The following SAMD3 variants were observed in gnomAD, a reference collection of about 807,000 sequenced individuals.
The protein encoded by SAMD3 is sterile alpha motif domain-containing protein 3.
Under a neutral mutation model 58.5 loss-of-function variants are expected in SAMD3, and 63 were observed. The observed-to-expected ratio is 1.08, with a 90% confidence interval of 0.88 to 1.33. The LOEUF is 1.33. SAMD3 is among the 40% of genes most tolerant of loss of function. SAMD3 has a pLI of 0.00. For synonymous variants in SAMD3, 220 were observed against 210.3 expected, an observed-to-expected ratio of 1.05 and a Z score of -0.40; for missense variants, 604 against 608.4, an observed-to-expected ratio of 0.99 and a Z score of 0.08.
chr6:130,239,401 G>A (rs1773278274), intron 2 of SAMD3, among the ~76,000 whole-genome samples: 1 of 152,102 alleles, frequency 6.6e-6, no homozygotes, highest in African/African-American at 2.4e-5. Flanking sequence ...GCCATTAGGA[G>A]ACTAGATTGA....
intron 1 of SAMD3, among the ~76,000 whole-genome samples, chr6:130,319,601 C>A (rs1314982959): frequency 1.3e-5 from 2 of 152,146 alleles, no homozygotes; most frequent in Non-Finnish European, 2.9e-5. Context: ...TAATCACCAG[C>A]AGACCCTGCC....
intron 5 of SAMD3, among the ~76,000 whole-genome samples, chr6:130,204,292 C>A (rs1255698914): frequency 6.6e-6 from 1 of 152,082 alleles, no homozygotes. Flanking sequence ...AAGAATAACA[C>A]TGCAAAAAAA....
intron 2 of SAMD3, among the ~76,000 whole-genome samples, chr6:130,252,020 T>C (rs2114910535): frequency 6.6e-6 from 1 of 152,232 alleles, no homozygotes; most frequent in Admixed American, 6.5e-5. Flanking sequence ...GGCTCCATTA[T>C]TGTTGTCTTC....
chr6:130,299,907 A>G (rs1775689041), intron 2 of SAMD3, among the ~76,000 whole-genome samples: 2 of 152,226 alleles, frequency 1.3e-5, no homozygotes, highest in Non-Finnish European at 2.9e-5. Context: ...AGAGTGAACC[A>G]GGAAGAAATT....
chr6:130,211,967 T>C lies in SAMD3; in HGVS notation c.270-2359A>G, dbSNP rs560915653. ...GACCTAAAGTATCACTTATTCTACC[T>C]ACTTCATTTTACAGTTGAAGAAGCT... On this transcript the variant is annotated intron_variant, in intron 4 of 11. Coordinates refer to ENST00000439090, the MANE Select transcript of SAMD3 (RefSeq NM_001017373.4). 3.8e-4 allele frequency among the ~76,000 whole-genome samples: 57 copies of C among 150,640 alleles called. 1 individual carries two copies. The highest frequency in any genetic ancestry group is 1.4e-3 in the African/African-American group (56 of 40,908).
intron 1 of SAMD3, among the ~76,000 whole-genome samples, chr6:130,349,643 A>T (rs992906527): frequency 1.8e-4 from 28 of 152,352 alleles, no homozygotes; most frequent in African/African-American, 6.0e-4. Flanking sequence ...CCAGAGGTAC[A>T]AGGAGGAGCT....
At chr6:130,271,241 C>G (rs997031777) in intron 2 of SAMD3, among the ~76,000 whole-genome samples, 1 of 152,058 alleles carries the variant, frequency 6.6e-6, no homozygotes, top group African/African-American at 2.4e-5. Context: ...CTCAAGCAAT[C>G]TACCTGCCTC....
intron 7 of SAMD3, among the ~76,000 whole-genome samples, chr6:130,177,950 A>AGT (rs1791890615): frequency 6.6e-6 from 1 of 151,798 alleles, no homozygotes; most frequent in Admixed American, 6.6e-5. Flanking sequence ...GCTGGTAACT[A>AGT]ACTCACTGCA....
chr6:130,327,349 G>T (rs1369990369), intron 1 of SAMD3, among the ~76,000 whole-genome samples: 1 of 152,056 alleles, frequency 6.6e-6, no homozygotes, highest in African/African-American at 2.4e-5. Context: ...TTCTAGAACT[G>T]AACTAAATTG....
chr6:130,267,759 T>G (rs1009410179), intron 2 of SAMD3, among the ~76,000 whole-genome samples: 6 of 152,144 alleles, frequency 3.9e-5, no homozygotes, highest in African/African-American at 1.4e-4. Flanking sequence ...TCCTGGTCTG[T>G]TCTGTTTCAC....
At chr6:130,230,541 C>A (rs1358128312) in intron 2 of SAMD3, among the ~76,000 whole-genome samples, 2 of 152,126 alleles carry the variant, frequency 1.3e-5, no homozygotes, top group Non-Finnish European at 2.9e-5. Context: ...GTGCCCGCCA[C>A]CATGCCCAGC....
intron 5 of SAMD3, among the ~76,000 whole-genome samples, chr6:130,193,256 C>A (rs1326852179): frequency 6.6e-6 from 1 of 151,334 alleles, no homozygotes; most frequent in African/African-American, 2.4e-5. Flanking sequence ...GGGCAAGAAA[C>A]CCCCAACCCC....
chr6:130,195,705 G>C (rs147496669), intron 5 of SAMD3, among the ~76,000 whole-genome samples: 3,825 of 152,174 alleles, frequency 0.025, 56 homozygotes, highest in African/African-American at 0.047. Context: ...CTGCTGCAAG[G>C]CTTCACAGAC....
chr6:130,189,094 T>TA (rs1251883342), intron 5 of SAMD3, among the ~76,000 whole-genome samples: 5 of 94,792 alleles, frequency 5.3e-5, no homozygotes, highest in South Asian at 3.2e-4. Context: ...TCACAATCTT[T>TA]AAAAAAACCA....
chr6:130,206,527 T>A lies in SAMD3; in HGVS notation c.383+2968A>T, dbSNP rs148337281. On this transcript the variant is annotated intron_variant, in intron 5 of 11. Transcript: ENST00000439090. ...GCCCTTGGATGCTGGGAAATGCTTT[T>A]CTCACAATAAACTCCCTTTGTCTTT... Among the ~76,000 whole-genome samples, 253 of 152,340 alleles carry A rather than the reference T, an allele frequency of 1.7e-3. 2 individuals are homozygous for A. The highest frequency in any genetic ancestry group is 5.5e-3 in the African/African-American group (230 of 41,564).
chr6:130,322,333 G>C (rs1201375867), intron 1 of SAMD3, among the ~76,000 whole-genome samples: 1 of 152,200 alleles, frequency 6.6e-6, no homozygotes, highest in East Asian at 1.9e-4. Flanking sequence ...AGGCATCAAG[G>C]CTGGAGTGGA....
At chr6:130,334,712 A>G (rs1777048407) in intron 1 of SAMD3, among the ~76,000 whole-genome samples, 3 of 152,220 alleles carry the variant, frequency 2.0e-5, no homozygotes, top group Non-Finnish European at 4.4e-5. Context: ...CGTATTTGGA[A>G]GATATTCAAC....
intron 2 of SAMD3, among the ~76,000 whole-genome samples, chr6:130,264,944 G>C (rs1382252032): frequency 1.3e-5 from 2 of 152,166 alleles, no homozygotes; most frequent in Non-Finnish European, 2.9e-5. Flanking sequence ...AACTAGATGG[G>C]GTTTCCAAAG....
At chr6:130,202,907 C>T (rs1042769070) in intron 5 of SAMD3, among the ~76,000 whole-genome samples, 23 of 56,022 alleles carry the variant, frequency 4.1e-4, no homozygotes, top group Non-Finnish European at 5.5e-4. Context: ...TCTTTGATGC[C>T]CCCCCTCCTC....
Sources: allele counts gnomAD v4.1 joint callset (sites outside exome capture counted in the v4.1 genomes callset), GRCh38; gene constraint gnomAD v4.1.1; transcripts MANE v1.5; gene names NCBI Gene and HGNC (gene_info 2026-07-23, HGNC 2026-07-21).